Variants in PHC3 observed in about 807,000 individuals in gnomAD.
PHC3 encodes the protein polyhomeotic homolog 3, also known as polyhomeotic-like protein 3.
A neutral mutation model predicts 107.4 loss-of-function variants in PHC3; 13 were observed. That is an observed-to-expected ratio of 0.12 (90% CI 0.08 to 0.19). The LOEUF is 0.19. PHC3 is among the 10% of genes least tolerant of loss of function. PHC3 has a pLI of 1.00. For missense variants in PHC3, 992 were observed against 1,210.9 expected (o/e 0.82, Z 2.68); for synonymous variants, 456 against 427.4 (o/e 1.07, Z -0.83).
intron 6 of PHC3, among the ~76,000 whole-genome samples, chr3:170,143,995 T>C (rs562844783): frequency 1.3e-5 from 2 of 152,068 alleles, no homozygotes; most frequent in East Asian, 3.9e-4. Flanking sequence ...TCATGTTTTT[T>C]AAGATTCATC....
rs566574874 is a variant in PHC3, at chr3:170,136,796, A to G, written c.673-131T>C. On this transcript the variant is annotated intron_variant, in intron 6 of 14. Coordinates refer to ENST00000495893, the MANE Select transcript of PHC3 (RefSeq NM_024947.4). The stretch of plus-strand genomic sequence containing the variant: ...TCATACGTAAAGCTCCAAGCACTTG[A>G]AAGAACTGATTAATCCTTAAGGAAA... 2.2e-5 allele frequency: 20 copies of G among 930,136 alleles called. No homozygotes were observed. The African/African-American group carries it at 3.1e-4, about 14-fold the overall frequency. The allele number at this position is 930,136 out of a possible 1,614,324, so 57.6% of individuals were successfully genotyped here.
rs755375051 is a variant in PHC3, at chr3:170,113,404, G to T, written c.2309C>A (p.Ala770Glu). 1.9e-6 allele frequency: 3 copies of T among 1,610,796 alleles called. No homozygotes were observed. Among genetic ancestry groups the T allele is most frequent in the Non-Finnish European group, 2.5e-6 (3 of 1,178,426 alleles). The change falls in exon 11 of 15, where the codon GCG (alanine) becomes GAG (glutamate). Residue 770 changes from alanine (A) to glutamate (E), a missense_variant. Ala to Glu is a moderately radical substitution (Grantham distance 107, BLOSUM62 -1). Coordinates refer to ENST00000495893, the MANE Select transcript of PHC3 (RefSeq NM_024947.4). Reference protein sequence around the residue: ...QPELQNNTKHADNSSDTEMED... With the variant: ...QPELQNNTKHEDNSSDTEMED... ...CATCTCTGTGTCAGATGAATTATCCGCATGTTTTGTATTATTCTGTAGCTC... is the reference window on the plus strand; with the variant it reads ...CATCTCTGTGTCAGATGAATTATCCTCATGTTTTGTATTATTCTGTAGCTC...
intron 12 of PHC3, among the ~76,000 whole-genome samples, chr3:170,103,413 A>T (rs1179898331): frequency 6.6e-6 from 1 of 152,218 alleles, no homozygotes; most frequent in Non-Finnish European, 1.5e-5. Context: ...AGATTTTTCA[A>T]ATATTATTAA....
At chr3:170,120,024 T>G (rs1304151790) in intron 9 of PHC3, among the ~76,000 whole-genome samples, 1 of 152,204 alleles carries the variant, frequency 6.6e-6, no homozygotes, top group African/African-American at 2.4e-5. Context: ...TTCCAATATT[T>G]CAGAAATGTT....
chr3:170,167,294 G>T (rs114943794), intron 4 of PHC3, among the ~76,000 whole-genome samples: 114 of 152,248 alleles, frequency 7.5e-4, no homozygotes, highest in Non-Finnish European at 1.4e-3. Context: ...AACTACAGGC[G>T]CTTGCCACCA....
intron 9 of PHC3, 96 bp from the exon 10 acceptor site, chr3:170,117,572 T>A: frequency 1.6e-6 from 2 of 1,246,762 alleles, no homozygotes; most frequent in Non-Finnish European, 2.2e-6. Context: ...CAACAGTTAA[T>A]ATCTGGTACT....
At chr3:170,144,901 C>A (rs959071672) in intron 6 of PHC3, among the ~76,000 whole-genome samples, 1 of 152,152 alleles carries the variant, frequency 6.6e-6, no homozygotes, top group Non-Finnish European at 1.5e-5. Flanking sequence ...AAGACCGGGT[C>A]TTACTATTTT....
At chr3:170,140,035 C>A (rs1321949994) in intron 6 of PHC3, among the ~76,000 whole-genome samples, 9 of 151,970 alleles carry the variant, frequency 5.9e-5, no homozygotes, top group Admixed American at 5.9e-4. Context: ...AAAATACTCT[C>A]ACATCAATTA....
chr3:170,099,411 G>GTA (rs1264627624), intron 14 of PHC3, among the ~76,000 whole-genome samples: 3 of 152,164 alleles, frequency 2.0e-5, no homozygotes, highest in African/African-American at 7.2e-5. Context: ...TTGGAAGCAA[G>GTA]TATGCTTCCA....
chr3:170,166,574 T>G (rs1728778870), intron 4 of PHC3, among the ~76,000 whole-genome samples: 2 of 152,180 alleles, frequency 1.3e-5, no homozygotes, highest in Admixed American at 1.3e-4. Context: ...AATTTTTCAC[T>G]ATTATACATC....
rs748050578 is a variant in PHC3, at chr3:170,181,689, T to C, written c.14+13A>G. 9 of 1,613,332 alleles carry C rather than the reference T, an allele frequency of 5.6e-6. No homozygotes were observed. The highest frequency in any genetic ancestry group is 1.3e-5 in the African/African-American group (1 of 75,004). Reference sequence around the variant, plus strand: ...CCCCTAGTTACGACATCAGTCACCATCTAGTCACTCACTCCGCTTCCGCCA... The same window carrying C: ...CCCCTAGTTACGACATCAGTCACCACCTAGTCACTCACTCCGCTTCCGCCA... On this transcript the variant is annotated intron_variant, in intron 1 of 14. Coordinates refer to ENST00000495893, the MANE Select transcript of PHC3 (RefSeq NM_024947.4).
chr3:170,120,526 T>C (rs1720062070), intron 9 of PHC3, among the ~76,000 whole-genome samples: 1 of 151,596 alleles, frequency 6.6e-6, no homozygotes, highest in East Asian at 1.9e-4. Flanking sequence ...TGAGCCGAGA[T>C]CATGCCACTG....
chr3:170,138,220 A>T (rs1723440053), intron 6 of PHC3, among the ~76,000 whole-genome samples: 2 of 151,900 alleles, frequency 1.3e-5, no homozygotes, highest in Non-Finnish European at 2.9e-5. Flanking sequence ...TAAATAAATA[A>T]TTTTTTAAAA....
rs1178908260 is a variant in PHC3, at chr3:170,090,922, A to G, written c.*6308T>C. ...TACTGATTATTTAATACTACCCAAAACAAAAAATACTTTTAAGAGAAGCAT... is the reference window on the plus strand; with the variant it reads ...TACTGATTATTTAATACTACCCAAAGCAAAAAATACTTTTAAGAGAAGCAT... On this transcript the variant is annotated 3_prime_UTR_variant, in exon 15 of 15. Transcript: ENST00000495893. 2 of 152,196 alleles carry G rather than the reference A, an allele frequency of 1.3e-5. No homozygotes were observed. The highest frequency in any genetic ancestry group is 2.9e-5 in the Non-Finnish European group (2 of 68,038). The allele number at this position is 152,196 out of a possible 1,614,324, so 9.4% of individuals were successfully genotyped here.
At chr3:170,108,297 G>A (rs1716962729) in intron 11 of PHC3, among the ~76,000 whole-genome samples, 1 of 152,076 alleles carries the variant, frequency 6.6e-6, no homozygotes, top group African/African-American at 2.4e-5. Context: ...GTAGACATGG[G>A]TGGCATGTAC....
chr3:170,116,574 C>CAAAT (rs1316041347), intron 10 of PHC3, among the ~76,000 whole-genome samples: 1 of 151,380 alleles, frequency 6.6e-6, no homozygotes, highest in African/African-American at 2.4e-5. Flanking sequence ...CTCAAAAACT[C>CAAAT]AAATAAATAA....
chr3:170,144,176 GA>G (rs1724579975), intron 6 of PHC3, among the ~76,000 whole-genome samples: 1 of 141,600 alleles, frequency 7.1e-6, no homozygotes, highest in Non-Finnish European at 1.6e-5. Flanking sequence ...AAAAAAAAAA[GA>G]AAAAAGAAAA....
chr3:170,155,612 C>T (rs557001076), intron 4 of PHC3, among the ~76,000 whole-genome samples: 1 of 152,118 alleles, frequency 6.6e-6, no homozygotes, highest in East Asian at 1.9e-4. Context: ...GTCCCAGCTA[C>T]TCAGGCGGCT....
intron 1 of PHC3, among the ~76,000 whole-genome samples, 184 bp downstream of exon 1, chr3:170,181,518 A>G (rs1317987934): frequency 1.3e-5 from 2 of 151,688 alleles, no homozygotes; most frequent in Non-Finnish European, 2.9e-5. Context: ...GGGTAACTGG[A>G]CCCTAGAGTT....
Sources: gnomAD v4.1 joint callset for allele counts (sites outside exome capture counted in the v4.1 genomes callset) on GRCh38, gnomAD v4.1.1 for gene constraint, MANE v1.5 for transcripts, NCBI Gene and HGNC (gene_info 2026-07-23, HGNC 2026-07-21) for gene names.